LRRC4C: variants seen among roughly 807,000 people sequenced by gnomAD.
The protein encoded by LRRC4C is leucine-rich repeat-containing protein 4C.
Under a neutral mutation model 33.6 loss-of-function variants are expected in LRRC4C, and 5 were observed. The ratio of observed to expected loss-of-function variants is 0.15; its 90% CI spans 0.08 to 0.31. LRRC4C has a LOEUF of 0.31. Ranked by LOEUF, LRRC4C falls within the 10% of genes least tolerant of loss-of-function variation. The pLI, the probability that LRRC4C is intolerant of heterozygous loss-of-function variation, is 1.00. For synonymous variants in LRRC4C, 329 were observed against 302.0 expected, an observed-to-expected ratio of 1.09 and a Z score of -0.93; for missense variants, 560 against 796.7, an observed-to-expected ratio of 0.70 and a Z score of 3.58.
At chr11:40,949,506 A>G (rs1043575202) in intron 1 of LRRC4C, among the ~76,000 whole-genome samples, 3 of 152,062 alleles carry the variant, frequency 2.0e-5, no homozygotes, top group Admixed American at 1.3e-4. Flanking sequence ...CATCAGACTA[A>G]CAGCGGATCT....
At chr11:40,618,705 A>C (rs558493315) in intron 3 of LRRC4C, among the ~76,000 whole-genome samples, 3 of 151,514 alleles carry the variant, frequency 2.0e-5, no homozygotes, top group Admixed American at 6.6e-5. Context: ...GTGAGTAATA[A>C]TTTTTATTAT....
intron 1 of LRRC4C, among the ~76,000 whole-genome samples, chr11:41,251,686 A>G (rs1948643699): frequency 6.6e-6 from 1 of 152,220 alleles, no homozygotes; most frequent in East Asian, 1.9e-4. Flanking sequence ...GACAAAAATG[A>G]GTATTAATTA....
At chr11:40,594,185 A>T (rs1959170809) in intron 3 of LRRC4C, among the ~76,000 whole-genome samples, 1 of 152,166 alleles carries the variant, frequency 6.6e-6, no homozygotes, top group African/African-American at 2.4e-5. Context: ...TTTTCATTTA[A>T]ATGTTAGCTC....
chr11:40,958,378 A>G lies in LRRC4C; in HGVS notation c.-495-24655T>C, dbSNP rs536189875. ...ATGAATGTAAATTATATGTGTTTAG[A>G]AGAGTTTCTGTTACATAATTTTTAC... On this transcript the variant is annotated intron_variant, in intron 1 of 6. Coordinates refer to ENST00000528697, the MANE Select transcript of LRRC4C (RefSeq NM_001258419.2). Among the ~76,000 whole-genome samples, 3 of 151,916 alleles carry G rather than the reference A, an allele frequency of 2.0e-5. No individual in the cohort carries two copies. The South Asian group carries it at 6.2e-4, about 32-fold the overall frequency.
At chr11:41,455,866 T>C (rs957982183) in intron 1 of LRRC4C, among the ~76,000 whole-genome samples, 1 of 152,126 alleles carries the variant, frequency 6.6e-6, no homozygotes, top group African/African-American at 2.4e-5. Flanking sequence ...TTGACTGACA[T>C]CTTCTGATTC....
intron 1 of LRRC4C, among the ~76,000 whole-genome samples, chr11:41,451,154 A>C (rs1956007753): frequency 6.6e-6 from 1 of 152,146 alleles, no homozygotes; most frequent in African/African-American, 2.4e-5. Context: ...TTAATAAACA[A>C]ATTTTGAATA....
intron 4 of LRRC4C, among the ~76,000 whole-genome samples, chr11:40,270,729 A>T (rs1942630943): frequency 6.6e-6 from 1 of 152,148 alleles, no homozygotes; most frequent in South Asian, 2.1e-4. Flanking sequence ...TTCTATTTTC[A>T]CACAGTTGCT....
intron 3 of LRRC4C, among the ~76,000 whole-genome samples, chr11:40,503,978 A>AG (rs1260495470): frequency 1.3e-5 from 2 of 152,104 alleles, no homozygotes; most frequent in Non-Finnish European, 2.9e-5. Context: ...CGTTTTGAAG[A>AG]GAAAAAAAGA....
chr11:41,176,778 C>CCTCTTGGAGCAAAGAGACA (rs1945217408), intron 1 of LRRC4C, among the ~76,000 whole-genome samples: 2 of 151,888 alleles, frequency 1.3e-5, no homozygotes, highest in Non-Finnish European at 2.9e-5. Flanking sequence ...GCCTGGGCAA[C>CCTCTTGGAGCAAAGAGACA]GTGGTGAAAC....
intron 4 of LRRC4C, among the ~76,000 whole-genome samples, chr11:40,255,611 T>C (rs967724609): frequency 6.6e-6 from 1 of 152,206 alleles, no homozygotes; most frequent in Non-Finnish European, 1.5e-5. Flanking sequence ...TCAATGCATC[T>C]GCTCAGCGGC....
At chr11:41,070,852 C>T (rs1031242882) in intron 1 of LRRC4C, among the ~76,000 whole-genome samples, 11 of 151,780 alleles carry the variant, frequency 7.2e-5, no homozygotes, top group Non-Finnish European at 1.5e-4. Context: ...TGGAATTCCT[C>T]AAGGATCTAG....
At chr11:41,266,444 T>C (rs1382736836) in intron 1 of LRRC4C, among the ~76,000 whole-genome samples, 1 of 152,106 alleles carries the variant, frequency 6.6e-6, no homozygotes, top group African/African-American at 2.4e-5. Flanking sequence ...CCTGACTTTC[T>C]CCATTCTTAT....
At chr11:41,064,032 A>T (rs1404297566) in intron 1 of LRRC4C, among the ~76,000 whole-genome samples, 1 of 152,198 alleles carries the variant, frequency 6.6e-6, no homozygotes, top group Non-Finnish European at 1.5e-5. Context: ...AGTTGAAAAC[A>T]ATTCTGTGGT....
At chr11:41,135,979 G>T (rs1162143367) in intron 1 of LRRC4C, among the ~76,000 whole-genome samples, 1 of 152,138 alleles carries the variant, frequency 6.6e-6, no homozygotes, top group Non-Finnish European at 1.5e-5. Context: ...CTACACAATA[G>T]GCATTTATTG....
At chr11:41,224,072 G>T (rs981312401) in intron 1 of LRRC4C, among the ~76,000 whole-genome samples, 1 of 152,080 alleles carries the variant, frequency 6.6e-6, no homozygotes, top group Non-Finnish European at 1.5e-5. Flanking sequence ...TTAGCTGCCT[G>T]GTTTTTTGTC....
At chr11:41,360,340 C>T (rs774640402) in intron 1 of LRRC4C, among the ~76,000 whole-genome samples, 1 of 152,164 alleles carries the variant, frequency 6.6e-6, no homozygotes, top group Non-Finnish European at 1.5e-5. Context: ...ACTATACCTA[C>T]ATCTATGATT....
At chr11:40,167,493 G>A (rs1021755372) in intron 5 of LRRC4C, among the ~76,000 whole-genome samples, 5 of 152,016 alleles carry the variant, frequency 3.3e-5, no homozygotes, top group African/African-American at 9.7e-5. Context: ...AAGGCAGCAA[G>A]AAAAAAATTA....
At chr11:40,909,224 T>A (rs959620873) in intron 2 of LRRC4C, among the ~76,000 whole-genome samples, 5 of 152,142 alleles carry the variant, frequency 3.3e-5, no homozygotes, top group Non-Finnish European at 7.4e-5. Flanking sequence ...TCCTTTTAAA[T>A]CAATCTTTTA....
intron 1 of LRRC4C, among the ~76,000 whole-genome samples, chr11:41,101,953 G>A (rs1279578146): frequency 6.6e-6 from 1 of 151,904 alleles, no homozygotes; most frequent in Non-Finnish European, 1.5e-5. Flanking sequence ...GACACAAAGA[G>A]GAAAGCAACA....
Sources: gnomAD v4.1 joint callset for allele counts (sites outside exome capture counted in the v4.1 genomes callset) on GRCh38, gnomAD v4.1.1 for gene constraint, MANE v1.5 for transcripts, NCBI Gene and HGNC (gene_info 2026-07-23, HGNC 2026-07-21) for gene names.